The following SLC23A1 variants were observed in gnomAD, a reference collection of about 807,000 sequenced individuals.
SLC23A1 encodes Na(+)/L-ascorbic acid transporter 1.
In SLC23A1, 31 loss-of-function variants were observed where a neutral mutation model predicts 62.5. The ratio of observed to expected loss-of-function variants is 0.50; its 90% CI spans 0.37 to 0.67. The LOEUF (loss-of-function observed/expected upper bound fraction) is 0.67, where lower values mean the gene tolerates loss of function less well. Ranked by LOEUF, SLC23A1 falls within the 30% of genes least tolerant of loss-of-function variation. SLC23A1 has a pLI of 0.00. For synonymous variants in SLC23A1, 271 were observed against 313.2 expected (o/e 0.87, Z 1.42); for missense variants, 640 against 782.7 (o/e 0.82, Z 2.18).
chr5:139,372,034 T>G lies in SLC23A1; in HGVS notation c.1769A>C (p.Glu590Ala). The change falls in exon 14 of 15, where the codon GAA becomes GCA. Residue 590 changes from glutamate (E) to alanine (A), a missense_variant. By Grantham distance (107) the Glu-to-Ala change is moderately radical (BLOSUM62 -1). Transcript: ENST00000348729. ...AIPEDTPENT[E>A]TASVCTKV is the part of the protein sequence containing the mutation. ...GACCTTGGTGCACACAGATGCAGTT[T>G]CTGTATTTTCTGGAGTGTCTTCTGG... 1.9e-6 allele frequency: 3 copies of G among 1,613,950 alleles called. No individual in the cohort carries two copies. Among genetic ancestry groups the G allele is most frequent in the Non-Finnish European group, 2.5e-6 (3 of 1,179,776 alleles).
In SLC23A1 at chr5:139,382,652, G is replaced by C. The variant is rs751482313; in HGVS notation, c.37-47C>G. The stretch of plus-strand genomic sequence containing the variant: ...AGCTTAGGGTGAAGTGATGGGGACA[G>C]GCAAAATCCATTCTGCCCCAGAATC... On this transcript the variant is annotated intron_variant, in intron 1 of 14. Transcript: ENST00000348729. 1.4e-5 allele frequency: 17 copies of C among 1,179,138 alleles called. No individual in the cohort carries two copies. In the South Asian group the frequency reaches 1.9e-4, roughly 13 times the overall value. 73.0% of individuals were successfully genotyped at this position (1,179,138 alleles called of 1,614,324 possible).
At chr5:139,368,373 C>CA (rs1279100401) in intron 14 of SLC23A1, among the ~76,000 whole-genome samples, 1 of 150,972 alleles carries the variant, frequency 6.6e-6, no homozygotes, top group Non-Finnish European at 1.5e-5. Context: ...AATAAAAATA[C>CA]AAAAAATTAG....
At chr5:139,384,365 TCGCTGTGC>T, upstream of SLC23A1, 1 of 1,286,804 alleles carries the variant, frequency 7.8e-7, no homozygotes, top group Non-Finnish European at 1.0e-6. Context: ...TACTTCTGGG[TCGCTGTGC>T]CCATGGCCAG....
At chr5:139,373,781 C>T (rs995101997) in intron 13 of SLC23A1, among the ~76,000 whole-genome samples, 20 of 152,134 alleles carry the variant, frequency 1.3e-4, no homozygotes, top group African/African-American at 4.8e-4. Flanking sequence ...GGAAGAGAAA[C>T]CTTGATTGGG....
chr5:139,371,968 AACCATAGACACATCCT>A lies in SLC23A1; in HGVS notation c.*19+3_*19+18del, dbSNP rs748060088. ...TTTGATTATTCAACCCTCCCACAAA[AACCATAGACACATCCT>A]ACCTTTCCTGGAAGTCATTTTTCAG... On this transcript the variant is annotated splice_donor_5th_base_variant and intron_variant, in intron 14 of 14. Coordinates refer to ENST00000348729, the MANE Select transcript of SLC23A1 (RefSeq NM_005847.5). 1.9e-5 allele frequency: 31 copies of A among 1,592,306 alleles called. No homozygotes were observed. The highest frequency in any genetic ancestry group is 2.7e-5 in the Non-Finnish European group (31 of 1,165,492).
chr5:139,385,424 C>A (rs1758475516), upstream of SLC23A1, among the ~76,000 whole-genome samples: 1 of 152,048 alleles, frequency 6.6e-6, no homozygotes, highest in Admixed American at 6.6e-5. Flanking sequence ...CCATCCATAC[C>A]AGCTGGGGTC....
At chr5:139,374,018 C>T (rs547794751) in intron 13 of SLC23A1, among the ~76,000 whole-genome samples, 4 of 152,220 alleles carry the variant, frequency 2.6e-5, no homozygotes, top group African/African-American at 4.8e-5. Flanking sequence ...TAGGCCTCAC[C>T]TACTCTCCCT....
upstream of SLC23A1, among the ~76,000 whole-genome samples, chr5:139,385,475 C>T (rs12516732): frequency 0.48 from 71,479 of 149,318 alleles, 19,833 homozygotes; most frequent in Non-Finnish European, 0.64. Flanking sequence ...TGGGTGTAGA[C>T]CCAGTGAGAC....
At chr5:139,385,619 C>T (rs1429399823), upstream of SLC23A1, among the ~76,000 whole-genome samples, 1 of 152,100 alleles carries the variant, frequency 6.6e-6, no homozygotes, top group African/African-American at 2.4e-5. Flanking sequence ...ACTGAAACCA[C>T]CTTTGCAAAA....
At chr5:139,384,379 G>A (rs1252157651), upstream of SLC23A1, 2 of 1,288,810 alleles carry the variant, frequency 1.6e-6, no homozygotes, top group Non-Finnish European at 2.0e-6. Context: ...TGTGCCCATG[G>A]CCAGGCCCTG....
At chr5:139,374,982 G>A (rs73255279) in intron 13 of SLC23A1, among the ~76,000 whole-genome samples, 2,086 of 152,294 alleles carry the variant, frequency 0.014, 54 homozygotes, top group African/African-American at 0.047. Flanking sequence ...CGAAGGGACA[G>A]CTGCTACCAA....
Position 139,380,397 on chromosome 5 carries a change from G to C in SLC23A1, c.466-8C>G, listed in dbSNP as rs780436159. 8 of 1,613,252 alleles carry C rather than the reference G, an allele frequency of 5.0e-6. No homozygotes were observed. Among genetic ancestry groups the C allele is most frequent in the Non-Finnish European group, 6.8e-6 (8 of 1,179,706 alleles). On this transcript the variant is annotated splice_polypyrimidine_tract_variant and splice_region_variant and intron_variant, in intron 5 of 14. Transcript: ENST00000348729. The stretch of plus-strand genomic sequence containing the variant: ...CATGATTGCACCCTGGACCTGGAAG[G>C]GCAAACATCAGCCGTAAGTCACCAT...
intron 12 of SLC23A1, among the ~76,000 whole-genome samples, 162 bp from the exon 13 acceptor site, chr5:139,377,659 T>C (rs1325904108): frequency 6.6e-6 from 1 of 152,250 alleles, no homozygotes; most frequent in Non-Finnish European, 1.5e-5. Flanking sequence ...ATTCTGCCAG[T>C]TGCTAGTTGT....
Position 139,378,755 on chromosome 5 carries a change from A to T in SLC23A1, c.1074-71T>A. On this transcript the variant is annotated intron_variant, in intron 9 of 14. Coordinates refer to ENST00000348729, the MANE Select transcript of SLC23A1 (RefSeq NM_005847.5). The surrounding 1 kb of genome is among the most constrained non-coding windows in gnomAD (Gnocchi z 4.5). The stretch of plus-strand genomic sequence containing the variant: ...GTCTGTGTTCCCCCATCATCTTAGC[A>T]AGCTGCCGTCCTCTGGGGCTGTGGG... 1.7e-6 allele frequency: 2 copies of T among 1,179,400 alleles called. No individual in the cohort carries two copies. Among genetic ancestry groups the T allele is most frequent in the Non-Finnish European group, 2.5e-6 (2 of 807,648 alleles). 73.1% of individuals were successfully genotyped at this position (1,179,400 alleles called of 1,614,324 possible). A position where few individuals can be genotyped will look rare whatever the true frequency, so the allele number is the denominator to read the frequency against.
At chr5:139,368,003 A>C (rs565615357) in intron 14 of SLC23A1, among the ~76,000 whole-genome samples, 1 of 152,120 alleles carries the variant, frequency 6.6e-6, no homozygotes, top group Non-Finnish European at 1.5e-5. Context: ...GATCAACACC[A>C]TCCTGGCTAA....
chr5:139,384,812 C>T, upstream of SLC23A1: 8 of 880,622 alleles, frequency 9.1e-6, no homozygotes, highest in Non-Finnish European at 9.5e-6. Flanking sequence ...GTCATGGGTG[C>T]CCGGCTCCAC....
intron 5 of SLC23A1, 32 bp from the exon 6 acceptor site, chr5:139,380,421 A>G: frequency 6.2e-7 from 1 of 1,613,020 alleles, no homozygotes; most frequent in African/African-American, 1.3e-5. Flanking sequence ...GTAAGTCACC[A>G]TGTAAAGGTC....
intron 14 of SLC23A1, among the ~76,000 whole-genome samples, chr5:139,369,977 G>A (rs1188403043): frequency 1.3e-5 from 2 of 152,152 alleles, no homozygotes; most frequent in African/African-American, 4.8e-5. Context: ...AAACTTTATG[G>A]CTGACCAATA....
At chr5:139,369,280 A>G (rs1757500809) in intron 14 of SLC23A1, 1 of 153,336 alleles carries the variant, frequency 6.5e-6, no homozygotes, top group Non-Finnish European at 1.5e-5. Flanking sequence ...CAAGTATGTC[A>G]TATTACTGAG....
Sources: allele counts gnomAD v4.1 joint callset (sites outside exome capture counted in the v4.1 genomes callset), GRCh38; gene constraint gnomAD v4.1.1; non-coding constraint Gnocchi (gnomAD v3.1); transcripts MANE v1.5; gene names NCBI Gene and HGNC (gene_info 2026-07-23, HGNC 2026-07-21).